Variants in SOAT1 observed in about 807,000 individuals in gnomAD.
SOAT1 encodes the protein sterol O-acyltransferase 1, also known as acyl-coenzyme A:cholesterol acyltransferase 1.
Under a neutral mutation model 69.5 loss-of-function variants are expected in SOAT1, and 55 were observed. That is an observed-to-expected ratio of 0.79 (90% CI 0.64 to 0.99). The LOEUF (loss-of-function observed/expected upper bound fraction) is 0.99, where lower values mean the gene tolerates loss of function less well. Ranked by LOEUF, SOAT1 falls within the 50% of genes least tolerant of loss-of-function variation. The pLI is 0.00. For missense variants in SOAT1, 580 were observed against 669.3 expected (o/e 0.87, Z 1.47); for synonymous variants, 231 against 224.7 (o/e 1.03, Z -0.25).
rs1384098604 is a variant in SOAT1 at position 179,356,303 on chromosome 1, C to G, written c.*2662C>G. ...AGATCTCTAACTTGACCTTCTAGTA[C>G]CTTTATGTGTGAGGATAAATTTGTT... On this transcript the variant is annotated 3_prime_UTR_variant, in exon 16 of 16. Transcript: ENST00000367619. 1 of 151,988 alleles carries G rather than the reference C, an allele frequency of 6.6e-6. No individual in the cohort carries two copies. The highest frequency in any genetic ancestry group is 1.5e-5 in the Non-Finnish European group (1 of 68,020). 9.4% of individuals were successfully genotyped at this position (151,988 alleles called of 1,614,324 possible). A position where few individuals can be genotyped will look rare whatever the true frequency, so the allele number is the denominator to read the frequency against.
At chr1:179,330,714 G>A (rs576444070) in intron 3 of SOAT1, among the ~76,000 whole-genome samples, 1 of 152,212 alleles carries the variant, frequency 6.6e-6, no homozygotes, top group Non-Finnish European at 1.5e-5. Flanking sequence ...TCTCACTGTC[G>A]TAGTCTTTGC....
rs201449849 is a variant in SOAT1, at chr1:179,351,021, C to CTTT, written c.1451-259_1451-257dup. Among the ~76,000 whole-genome samples, 28 of 127,510 alleles carry CTTT rather than the reference C, an allele frequency of 2.2e-4. 2 individuals are homozygous for CTTT. Among genetic ancestry groups the CTTT allele is most frequent in the Admixed American group, 3.3e-4 (4 of 12,298 alleles). The allele number at this position is 127,510 out of a possible 152,430, so 83.7% of individuals were successfully genotyped here. ...TGTTTTGATACCTGTATATTTCTTT[C>CTTT]TTTTTTTTTTTTTTTTTTTTTTTTT... On this transcript the variant is annotated intron_variant, in intron 14 of 15. Transcript: ENST00000367619.
intron 3 of SOAT1, among the ~76,000 whole-genome samples, chr1:179,323,980 C>T (rs1003048416): frequency 1.1e-4 from 16 of 152,124 alleles, no homozygotes; most frequent in Admixed American, 2.6e-4. Flanking sequence ...TTGTGGAGGG[C>T]GAAGAACACT....
chr1:179,339,355 T>A (rs907494390), intron 5 of SOAT1, 83 bp from the exon 6 acceptor site: 10 of 881,318 alleles, frequency 1.1e-5, no homozygotes, highest in Non-Finnish European at 1.4e-5. Context: ...CTGCTTTAAG[T>A]TAACTGCTTT....
rs1666328952 is a variant in SOAT1, at chr1:179,341,269, A to G, written c.739A>G (p.Thr247Ala). 2 of 1,614,178 alleles carry G rather than the reference A, an allele frequency of 1.2e-6. No individual in the cohort carries two copies. The highest frequency in any genetic ancestry group is 1.3e-5 in the African/African-American group (1 of 75,040). ...ACCAACATATGTTGTGTTAGCATAT[A>G]CACTGCCACCAGCTTCCCGGTTCAT... ...FGPTYVVLAY[T>A]LPPASRFIII... The change falls in exon 7 of 16, where the codon ACA becomes GCA. Residue 247 changes from threonine (T) to alanine (A), a missense_variant. Thr to Ala is a moderately conservative substitution (Grantham distance 58). Coordinates refer to ENST00000367619, the MANE Select transcript of SOAT1 (RefSeq NM_003101.6).
At chr1:179,351,289 TA>T in intron 14 of SOAT1, 27 bp from the exon 15 acceptor site, 8 of 1,609,330 alleles carry the variant, frequency 5.0e-6, no homozygotes, top group Non-Finnish European at 6.8e-6. Context: ...GATAACTGTA[TA>T]TTTCTTTGTT....
Position 179,353,716 on chromosome 1 carries a change from G to GT in SOAT1, c.*77dup. 1 of 1,214,078 alleles carries GT rather than the reference G, an allele frequency of 8.2e-7. No individual in the cohort carries two copies. The highest frequency in any genetic ancestry group is 1.2e-6 in the Non-Finnish European group (1 of 820,712). 75.2% of individuals were successfully genotyped at this position (1,214,078 alleles called of 1,614,324 possible). On this transcript the variant is annotated 3_prime_UTR_variant, in exon 16 of 16. Transcript: ENST00000367619. ...GATTTGGAGCCAGCTGTTTCCAGTT[G>GT]TTACTGAAGTTATCTGTGTTATTTG...
chr1:179,295,959 C>T (rs1436903342), intron 1 of SOAT1, among the ~76,000 whole-genome samples: 1 of 144,928 alleles, frequency 6.9e-6, no homozygotes, highest in Non-Finnish European at 1.5e-5. Flanking sequence ...GCTACCACGC[C>T]CGGCTAATTT....
chr1:179,356,243 G>T lies in SOAT1; in HGVS notation c.*2602G>T, dbSNP rs1024868674. On this transcript the variant is annotated 3_prime_UTR_variant, in exon 16 of 16. Coordinates refer to ENST00000367619, the MANE Select transcript of SOAT1 (RefSeq NM_003101.6). Reference sequence around the variant, plus strand: ...ATTATTTTGGGCATATTAACCAACAGAACAATTATGTAGTATGTATATCAC... The same window carrying T: ...ATTATTTTGGGCATATTAACCAACATAACAATTATGTAGTATGTATATCAC... 6.6e-6 allele frequency: 1 copy of T among 152,100 alleles called. No individual in the cohort carries two copies. Among genetic ancestry groups the T allele is most frequent in the African/African-American group, 2.4e-5 (1 of 41,440 alleles). The allele number at this position is 152,100 out of a possible 1,614,324, so 9.4% of individuals were successfully genotyped here.
In SOAT1 at chr1:179,354,164, C is replaced by G. The variant is rs1666837579; in HGVS notation, c.*523C>G. 1 of 152,550 alleles carries G rather than the reference C, an allele frequency of 6.6e-6. No individual in the cohort carries two copies. The highest frequency in any genetic ancestry group is 2.1e-4 in the South Asian group (1 of 4,830). 9.4% of individuals were successfully genotyped at this position (152,550 alleles called of 1,614,324 possible). On this transcript the variant is annotated 3_prime_UTR_variant, in exon 16 of 16. Coordinates refer to ENST00000367619, the MANE Select transcript of SOAT1 (RefSeq NM_003101.6). Reference sequence around the variant, plus strand: ...TAGTAGAAAGAAAATGTCTGTTTTCCAAAGATAATGTTATACATCCTATTT... The same window carrying G: ...TAGTAGAAAGAAAATGTCTGTTTTCGAAAGATAATGTTATACATCCTATTT...
chr1:179,312,214 T>C (rs190370457), intron 2 of SOAT1, among the ~76,000 whole-genome samples: 1 of 152,334 alleles, frequency 6.6e-6, no homozygotes, highest in East Asian at 1.9e-4. Flanking sequence ...CAGTTTAGAA[T>C]GGGCCTATTT....
intron 3 of SOAT1, among the ~76,000 whole-genome samples, chr1:179,325,866 A>G (rs752715289): frequency 1.1e-4 from 17 of 152,354 alleles, no homozygotes; most frequent in Non-Finnish European, 2.1e-4. Flanking sequence ...TGCTTTATAT[A>G]TTAATAAAAT....
intron 13 of SOAT1, 52 bp downstream of exon 13, chr1:179,348,994 CA>C: frequency 1.0e-6 from 1 of 986,318 alleles, no homozygotes; most frequent in South Asian, 1.3e-5. Flanking sequence ...GATTCTTTTT[CA>C]GAAAGTATGA....
chr1:179,333,201 G>C (rs980571211), intron 3 of SOAT1, among the ~76,000 whole-genome samples: 3 of 152,116 alleles, frequency 2.0e-5, no homozygotes, highest in African/African-American at 4.8e-5. Context: ...TGAATACCTG[G>C]AGAGTGACAA....
chr1:179,306,166 T>A (rs941255092), intron 2 of SOAT1, among the ~76,000 whole-genome samples: 13 of 152,112 alleles, frequency 8.5e-5, no homozygotes, highest in African/African-American at 2.9e-4. Context: ...TTGGTTTTCA[T>A]GGATAGGAGT....
At position 179,335,597 on chromosome 1, in the gene SOAT1, G is replaced by A. The variant is rs754486749; in HGVS notation, c.269G>A (p.Gly90Asp). The A allele has an allele frequency of 3.7e-6, 6 of 1,613,872 alleles. No individual in the cohort carries two copies. Among genetic ancestry groups the A allele is most frequent in the Non-Finnish European group, 4.2e-6 (5 of 1,179,766 alleles). The change falls in exon 4 of 16, where the codon GGT becomes GAT. Residue 90 changes from glycine to aspartate, a missense_variant. By Grantham distance (94) the Gly-to-Asp change is moderately conservative (BLOSUM62 -1). Transcript: ENST00000367619. ...LIEKSASLDN[G>D]GCALTTFSVL... The stretch of plus-strand genomic sequence containing the variant: ...GAAAAGTCAGCATCATTAGATAATG[G>A]TGGGTGCGCTCTCACAACCTTTTCT...
At chr1:179,336,121 G>A (rs1484747691) in intron 4 of SOAT1, among the ~76,000 whole-genome samples, 1 of 149,508 alleles carries the variant, frequency 6.7e-6, no homozygotes, top group Non-Finnish European at 1.5e-5. Flanking sequence ...CAGAGATCAT[G>A]CCACTGCACT....
At chr1:179,351,530 A>G (rs13306732) in intron 15 of SOAT1, 68 bp downstream of exon 15, 574,311 of 1,483,370 alleles carry the variant, frequency 0.39, 112,310 homozygotes, top group East Asian at 0.42. Flanking sequence ...GTTGGTGGGC[A>G]ATGTTGAGGA....
At chr1:179,306,202 G>T (rs2124940268) in intron 2 of SOAT1, among the ~76,000 whole-genome samples, 1 of 152,290 alleles carries the variant, frequency 6.6e-6, no homozygotes, top group Non-Finnish European at 1.5e-5. Flanking sequence ...AAGGCCAGAA[G>T]TAAGTAAGAA....
Sources: gnomAD v4.1 joint callset for allele counts (sites outside exome capture counted in the v4.1 genomes callset) on GRCh38, gnomAD v4.1.1 for gene constraint, MANE v1.5 for transcripts, NCBI Gene and HGNC (gene_info 2026-07-23, HGNC 2026-07-21) for gene names.